Variants in ERI1 observed in about 807,000 individuals in gnomAD.
ERI1 encodes the protein 3'-5' exoribonuclease 1.
In ERI1, 39 loss-of-function variants were observed where a neutral mutation model predicts 39.7. That is an observed-to-expected ratio of 0.98 (90% CI 0.76 to 1.28). ERI1 has a LOEUF of 1.28. Ranked by LOEUF, ERI1 falls within the 50% of genes most tolerant of loss-of-function variation. The pLI is 0.00. For missense variants in ERI1, 581 were observed against 416.9 expected (o/e 1.39, Z -3.43); for synonymous variants, 204 against 149.6 (o/e 1.36, Z -2.65).
chr8:9,044,301 T>G (rs1798111146), intron 3 of ERI1, among the ~76,000 whole-genome samples: 1 of 152,170 alleles, frequency 6.6e-6, no homozygotes. Context: ...TTTCTCTGAT[T>G]AGCGGATAAG....
rs578044173 is a variant in ERI1 at position 9,063,011 on chromosome 8, G to A, written n.299+42547G>A. Among the ~76,000 whole-genome samples the A allele has an allele frequency of 9.2e-5, 14 of 152,256 alleles. 1 individual carries two copies. Among genetic ancestry groups the A allele is most frequent in the African/African-American group, 2.9e-4 (12 of 41,546 alleles). On this transcript the variant is annotated intron_variant and non_coding_transcript_variant, in intron 3 of 3. Transcript: ENST00000518663. Reference sequence around the variant, plus strand: ...GGGGTTTGTCTCACAGTGGAGGCAAGGAATTGCAACTCAGAAATATGTTGC... The same window carrying A: ...GGGGTTTGTCTCACAGTGGAGGCAAAGAATTGCAACTCAGAAATATGTTGC...
At chr8:9,052,165 G>A (rs1304090108) in intron 3 of ERI1, among the ~76,000 whole-genome samples, 1 of 152,192 alleles carries the variant, frequency 6.6e-6, no homozygotes, top group East Asian at 1.9e-4. Context: ...TCTGCCCAAG[G>A]CTGAAACTTG....
At chr8:9,080,357 A>T (rs1799331549) in intron 3 of ERI1, among the ~76,000 whole-genome samples, 1 of 152,200 alleles carries the variant, frequency 6.6e-6, no homozygotes, top group African/African-American at 2.4e-5. Context: ...GTCCATGTTC[A>T]TGTGATGTCC....
chr8:9,041,119 T>TG (rs1798005107), intron 3 of ERI1, among the ~76,000 whole-genome samples: 1 of 152,098 alleles, frequency 6.6e-6, no homozygotes, highest in African/African-American at 2.4e-5. Context: ...AAGAGTACAG[T>TG]GGGGGAACAA....
rs530914968 is a variant in ERI1 at position 9,014,847 on chromosome 8, G to GT, written c.499-1467dup. Among the ~76,000 whole-genome samples the GT allele has an allele frequency of 1.4e-3, 209 of 151,448 alleles. 4 individuals are homozygous for GT. In the South Asian group the frequency reaches 0.032, roughly 23 times the overall value. On this transcript the variant is annotated intron_variant, in intron 3 of 6. Transcript: ENST00000250263. ...TTATTCTTTTGTTTTGTTTTGTTTT[G>GT]TTTTTTTTGAGATGGAGTCTTGCTT...
At chr8:9,062,407 T>C (rs1047659338) in intron 3 of ERI1, among the ~76,000 whole-genome samples, 2 of 151,602 alleles carry the variant, frequency 1.3e-5, no homozygotes, top group African/African-American at 2.4e-5. Flanking sequence ...TAAAATGTCT[T>C]GGCCTAATAA....
chr8:9,026,856 G>A (rs915768868), intron 6 of ERI1, among the ~76,000 whole-genome samples: 2 of 135,646 alleles, frequency 1.5e-5, no homozygotes, highest in Non-Finnish European at 3.3e-5. Context: ...CCTGTACCAC[G>A]TTAAAAAAAA....
At chr8:9,009,168 G>T (rs1271097052) in intron 2 of ERI1, 6 of 441,654 alleles carry the variant, frequency 1.4e-5, no homozygotes, top group Non-Finnish European at 4.5e-6. Context: ...CAACAAGCCT[G>T]TATTGAATTC....
intron 1 of ERI1, among the ~76,000 whole-genome samples, chr8:9,004,917 AC>A (rs1815820667): frequency 1.3e-5 from 2 of 151,922 alleles, no homozygotes; most frequent in Admixed American, 6.6e-5. Context: ...GGAACTCCTG[AC>A]CTCAGGTGAT....
intron 3 of ERI1, among the ~76,000 whole-genome samples, chr8:9,040,378 G>A (rs925963703): frequency 6.6e-6 from 1 of 152,166 alleles, no homozygotes; most frequent in Non-Finnish European, 1.5e-5. Context: ...GAGACTTTCC[G>A]GGTGGTAGGA....
intron 3 of ERI1, among the ~76,000 whole-genome samples, chr8:9,069,101 G>A (rs1798973226): frequency 6.6e-6 from 1 of 152,208 alleles, no homozygotes; most frequent in Admixed American, 6.5e-5. Flanking sequence ...TTACAGGCAT[G>A]AGCCACCACA....
chr8:9,016,895 C>T (rs905359418), intron 4 of ERI1, among the ~76,000 whole-genome samples: 1 of 152,096 alleles, frequency 6.6e-6, no homozygotes, highest in Non-Finnish European at 1.5e-5. Context: ...CCATATTGGC[C>T]AGGCTGGTCT....
chr8:9,073,433 T>A (rs929896446), intron 3 of ERI1, among the ~76,000 whole-genome samples: 3 of 151,876 alleles, frequency 2.0e-5, no homozygotes, highest in Non-Finnish European at 2.9e-5. Flanking sequence ...TGGGGGGAGG[T>A]TACCGATGGA....
intron 1 of ERI1, among the ~76,000 whole-genome samples, chr8:9,005,773 C>T (rs959039571): frequency 1.4e-4 from 21 of 152,174 alleles, no homozygotes; most frequent in Non-Finnish European, 4.4e-5. Context: ...GGATTACAGG[C>T]GTGAGCCAAC....
chr8:9,028,973 G>GTTT (rs34569795), intron 6 of ERI1, among the ~76,000 whole-genome samples: 7 of 113,090 alleles, frequency 6.2e-5, no homozygotes, highest in African/African-American at 1.7e-4. Flanking sequence ...GAGTGTGAGA[G>GTTT]TTTTTTTTTT....
chr8:9,017,671 A>T (rs1006657817), intron 4 of ERI1, among the ~76,000 whole-genome samples: 4 of 152,172 alleles, frequency 2.6e-5, no homozygotes, highest in Admixed American at 1.3e-4. Context: ...GCAGAAAAGA[A>T]TGGCTGGGCA....
chr8:9,080,279 A>T (rs1390576730), intron 3 of ERI1, among the ~76,000 whole-genome samples: 1 of 152,130 alleles, frequency 6.6e-6, no homozygotes, highest in African/African-American at 2.4e-5. Flanking sequence ...AAGTCCATTT[A>T]TTTTCTCAAC....
chr8:9,013,735 G>T (rs536920310), intron 3 of ERI1, among the ~76,000 whole-genome samples: 3 of 152,106 alleles, frequency 2.0e-5, no homozygotes, highest in African/African-American at 7.2e-5. Flanking sequence ...GCCTCCTGTA[G>T]CCTGGGGGAT....
intron 3 of ERI1, among the ~76,000 whole-genome samples, chr8:9,095,348 C>T (rs57935527): frequency 0.035 from 5,388 of 152,166 alleles, 284 homozygotes; most frequent in African/African-American, 0.12. Flanking sequence ...CAGTCCTTCC[C>T]GTTCTCTCTA....
Sources: allele counts gnomAD v4.1 joint callset (sites outside exome capture counted in the v4.1 genomes callset), GRCh38; gene constraint gnomAD v4.1.1; transcripts MANE v1.5; gene names NCBI Gene and HGNC (gene_info 2026-07-23, HGNC 2026-07-21).